The following BABAM2 variants were observed in gnomAD, a reference collection of about 807,000 sequenced individuals.
The protein encoded by BABAM2 is BRISC and BRCA1-A complex member 2.
BABAM2 carries 31 observed loss-of-function variants against 54.7 expected under a neutral mutation model. The observed-to-expected ratio is 0.57, with a 90% confidence interval of 0.43 to 0.77. BABAM2 has a LOEUF of 0.77. BABAM2 is among the 30% of genes least tolerant of loss of function. BABAM2 has a pLI of 0.00. For synonymous variants in BABAM2, 167 were observed against 162.9 expected (o/e 1.03, Z -0.19); for missense variants, 364 against 455.8 (o/e 0.80, Z 1.83).
In BABAM2 at chr2:28,322,884, A is replaced by G. The variant is rs974315744; in HGVS notation, c.1089-15566A>G. On this transcript the variant is annotated intron_variant, in intron 11 of 11. Transcript: ENST00000379624. The surrounding 1 kb of genome is among the most constrained non-coding windows in gnomAD (Gnocchi z 4.1). ...GAAAGGCCTTGTATAAATGTAAATTATCATTATTGTCATTAAAGGGGCTAG... is the reference window on the plus strand; with the variant it reads ...GAAAGGCCTTGTATAAATGTAAATTGTCATTATTGTCATTAAAGGGGCTAG... 6.6e-6 allele frequency among the ~76,000 whole-genome samples: 1 copy of G among 152,246 alleles called. No homozygotes were observed. The highest frequency in any genetic ancestry group is 1.5e-5 in the Non-Finnish European group (1 of 68,034).
At chr2:28,075,392 C>G (rs760118091) in intron 6 of BABAM2, among the ~76,000 whole-genome samples, 62 of 152,162 alleles carry the variant, frequency 4.1e-4, no homozygotes, top group Non-Finnish European at 8.5e-4. Context: ...AGGCCCTACT[C>G]CTTTAGTAAA....
chr2:28,050,148 T>C (rs1021516617), intron 6 of BABAM2, among the ~76,000 whole-genome samples: 1 of 152,230 alleles, frequency 6.6e-6, no homozygotes, highest in Non-Finnish European at 1.5e-5. Context: ...TTGCCAGATA[T>C]CCAGATGTTA....
intron 7 of BABAM2, among the ~76,000 whole-genome samples, chr2:28,133,846 A>G (rs1013071126): frequency 6.6e-6 from 1 of 152,136 alleles, no homozygotes; most frequent in African/African-American, 2.4e-5. Flanking sequence ...TTGGTAGAAG[A>G]CTCTGAGATG....
chr2:28,111,021 T>A (rs1269982595), intron 6 of BABAM2, among the ~76,000 whole-genome samples: 1 of 149,898 alleles, frequency 6.7e-6, no homozygotes, highest in Non-Finnish European at 1.5e-5. Context: ...CAGGCTGGAG[T>A]GCAGTGGGGC....
rs185085631 is a variant in BABAM2, at chr2:28,238,407, G to A, written c.780+1106G>A. Among the ~76,000 whole-genome samples the A allele has an allele frequency of 3.3e-5, 5 of 152,236 alleles. No homozygotes were observed. The East Asian group carries it at 9.6e-4, about 29-fold the overall frequency. On this transcript the variant is annotated intron_variant, in intron 8 of 11. Transcript: ENST00000379624. ...TTAGTTGCCAGAGTGCAATTTCTTT[G>A]CTCCTGTTGACTTGTTCACATTGGC...
intron 11 of BABAM2, among the ~76,000 whole-genome samples, chr2:28,306,032 G>A (rs967718321): frequency 6.6e-6 from 1 of 152,078 alleles, no homozygotes; most frequent in Non-Finnish European, 1.5e-5. Context: ...TGTTTAGAAA[G>A]ACTTTTCTAA....
intron 10 of BABAM2, among the ~76,000 whole-genome samples, chr2:28,278,763 A>T (rs1362880242): frequency 1.3e-5 from 2 of 152,164 alleles, no homozygotes; most frequent in Non-Finnish European, 2.9e-5. Context: ...GATGGAGACC[A>T]ATCAGCAGCA....
At chr2:28,013,138 A>G (rs940723196) in intron 4 of BABAM2, among the ~76,000 whole-genome samples, 4 of 152,220 alleles carry the variant, frequency 2.6e-5, no homozygotes, top group Admixed American at 1.3e-4. Context: ...AAATGGAGCC[A>G]TAATTATAAT....
chr2:28,156,328 G>C (rs1672540427), intron 7 of BABAM2, among the ~76,000 whole-genome samples: 1 of 152,034 alleles, frequency 6.6e-6, no homozygotes, highest in African/African-American at 2.4e-5. Context: ...AATAATAATT[G>C]TTATGATATG....
At position 28,322,451 on chromosome 2, in the gene BABAM2, T is replaced by C. The variant is rs1191398671; in HGVS notation, c.1089-15999T>C. 6.6e-6 allele frequency among the ~76,000 whole-genome samples: 1 copy of C among 152,258 alleles called. No homozygotes were observed. The highest frequency in any genetic ancestry group is 1.5e-5 in the Non-Finnish European group (1 of 68,048). The stretch of plus-strand genomic sequence containing the variant: ...CAGTTCGGGAGAGAGAAGAACCCTG[T>C]AACTCTTAGAGGCGCCTTTGAGCAA... On this transcript the variant is annotated intron_variant, in intron 11 of 11. Coordinates refer to ENST00000379624, the MANE Select transcript of BABAM2 (RefSeq NM_199191.3). This position sits in a 1 kb window ranked among gnomAD's most constrained non-coding sequence, Gnocchi z 4.1.
intron 10 of BABAM2, among the ~76,000 whole-genome samples, chr2:28,286,923 A>G (rs1686869331): frequency 6.6e-6 from 1 of 152,150 alleles, no homozygotes; most frequent in Admixed American, 6.6e-5. Flanking sequence ...TGTAAAGGTC[A>G]TAACTAGATC....
intron 6 of BABAM2, among the ~76,000 whole-genome samples, chr2:28,054,571 G>A (rs1178177783): frequency 6.6e-6 from 1 of 152,162 alleles, no homozygotes; most frequent in Admixed American, 6.5e-5. Flanking sequence ...TGGTGAATGG[G>A]ATTAATACCC....
intron 7 of BABAM2, among the ~76,000 whole-genome samples, chr2:28,157,997 G>A (rs542883744): frequency 6.6e-6 from 1 of 152,290 alleles, no homozygotes; most frequent in South Asian, 2.1e-4. Context: ...ATAATCATGA[G>A]TAGTTATCCA....
At chr2:27,988,714 C>T (rs944999803) in intron 4 of BABAM2, among the ~76,000 whole-genome samples, 12 of 152,146 alleles carry the variant, frequency 7.9e-5, no homozygotes, top group African/African-American at 2.9e-4. Flanking sequence ...TACGTACTTA[C>T]TAAAAAAGTT....
intron 10 of BABAM2, among the ~76,000 whole-genome samples, chr2:28,298,115 T>G (rs543721562): frequency 6.6e-6 from 1 of 152,296 alleles, no homozygotes; most frequent in East Asian, 1.9e-4. Context: ...GGTGACATTT[T>G]CACCCACGTG....
intron 10 of BABAM2, among the ~76,000 whole-genome samples, chr2:28,297,129 C>G (rs1227546157): frequency 6.6e-6 from 1 of 152,212 alleles, no homozygotes; most frequent in African/African-American, 2.4e-5. Context: ...CCAGTGTCCT[C>G]TGGAGTAGGA....
rs535131263 is a variant in BABAM2, at chr2:27,935,075, A to G, written c.205+5167A>G. 2.0e-5 allele frequency among the ~76,000 whole-genome samples: 3 copies of G among 152,358 alleles called. No homozygotes were observed. In the South Asian group the frequency reaches 6.2e-4, roughly 32 times the overall value. On this transcript the variant is annotated intron_variant, in intron 3 of 11. Coordinates refer to ENST00000379624, the MANE Select transcript of BABAM2 (RefSeq NM_199191.3). The stretch of plus-strand genomic sequence containing the variant: ...CTTATGTTGGAAGAAGATGCCGTCT[A>G]GGACTGTCATAGTTAAGAAGGCAAT...
intron 6 of BABAM2, among the ~76,000 whole-genome samples, chr2:28,106,925 C>T (rs536300067): frequency 1.8e-4 from 28 of 152,134 alleles, no homozygotes; most frequent in Non-Finnish European, 3.5e-4. Flanking sequence ...GTTAAACAAC[C>T]ATTTTCATAC....
intron 9 of BABAM2, among the ~76,000 whole-genome samples, chr2:28,244,286 T>C (rs2148076689): frequency 6.6e-6 from 1 of 152,296 alleles, no homozygotes; most frequent in South Asian, 2.1e-4. Context: ...TTAGTAATAC[T>C]GTCATTGCAT....
Sources: allele counts gnomAD v4.1 joint callset (sites outside exome capture counted in the v4.1 genomes callset), GRCh38; gene constraint gnomAD v4.1.1; non-coding constraint Gnocchi (gnomAD v3.1); transcripts MANE v1.5; gene names NCBI Gene and HGNC (gene_info 2026-07-23, HGNC 2026-07-21).